CALN1: variants seen among roughly 807,000 people sequenced by gnomAD.
The protein encoded by CALN1 is calneuron 1.
A neutral mutation model predicts 30.6 loss-of-function variants in CALN1; 17 were observed. The ratio of observed to expected loss-of-function variants is 0.56; its 90% CI spans 0.38 to 0.83. The LOEUF is 0.83. Among genes scored for constraint, CALN1 ranks in the 40% least tolerant of loss-of-function variants. The pLI is 0.00. For synonymous variants in CALN1, 156 were observed against 131.4 expected (o/e 1.19, Z -1.28); for missense variants, 291 against 354.9 (o/e 0.82, Z 1.45).
intron 5 of CALN1, among the ~76,000 whole-genome samples, chr7:71,813,341 T>C (rs35079241): frequency 0.16 from 24,684 of 152,096 alleles, 2,950 homozygotes; most frequent in East Asian, 0.61. Flanking sequence ...CCAAGAGCAA[T>C]TGTTTCTCAT....
intron 3 of CALN1, among the ~76,000 whole-genome samples, chr7:72,232,208 G>A (rs889576821): frequency 6.6e-6 from 1 of 152,154 alleles, no homozygotes; most frequent in Admixed American, 6.5e-5. Context: ...AAGGGGTTTA[G>A]ATTTGGGCCA....
intron 5 of CALN1, among the ~76,000 whole-genome samples, chr7:71,983,077 T>C (rs1798483000): frequency 6.6e-6 from 1 of 152,178 alleles, no homozygotes; most frequent in African/African-American, 2.4e-5. Context: ...CTGTGGGCCC[T>C]ATGTAAATCA....
intron 3 of CALN1, among the ~76,000 whole-genome samples, chr7:72,217,424 A>G (rs977604589): frequency 1.1e-4 from 16 of 152,192 alleles, no homozygotes; most frequent in African/African-American, 3.6e-4. Flanking sequence ...GCCCTGGTCC[A>G]TGCCAATAAA....
At chr7:71,826,645 G>T (rs1490433896) in intron 5 of CALN1, among the ~76,000 whole-genome samples, 1 of 152,142 alleles carries the variant, frequency 6.6e-6, no homozygotes, top group Non-Finnish European at 1.5e-5. Flanking sequence ...ACCTTGACGT[G>T]GCCTTGCTGC....
intron 2 of CALN1, among the ~76,000 whole-genome samples, chr7:72,303,579 A>AT (rs796872431): frequency 1.3e-4 from 20 of 152,224 alleles, no homozygotes; most frequent in African/African-American, 4.8e-4. Flanking sequence ...AAAGAAAAAA[A>AT]AAAAAGAAAC....
chr7:72,363,179 C>T (rs1249241449), intron 2 of CALN1, among the ~76,000 whole-genome samples: 1 of 152,350 alleles, frequency 6.6e-6, no homozygotes, highest in South Asian at 2.1e-4. Context: ...TCCTCCCACC[C>T]TCCACCCTCT....
chr7:72,319,150 G>A (rs1475095877), intron 2 of CALN1, among the ~76,000 whole-genome samples: 1 of 152,126 alleles, frequency 6.6e-6, no homozygotes, highest in Non-Finnish European at 1.5e-5. Flanking sequence ...CATCAATCGA[G>A]GACTGGATAA....
chr7:71,888,815 AG>A (rs1372659918), intron 5 of CALN1, among the ~76,000 whole-genome samples: 3 of 152,144 alleles, frequency 2.0e-5, no homozygotes, highest in Admixed American at 1.3e-4. Context: ...GGAGGAGGGC[AG>A]GGGACCCAGA....
intron 4 of CALN1, among the ~76,000 whole-genome samples, chr7:72,080,818 CA>C (rs1255939129): frequency 6.6e-6 from 1 of 152,052 alleles, no homozygotes; most frequent in Admixed American, 6.6e-5. Context: ...TTTACTAGCC[CA>C]GGGGAAGCTG....
intron 3 of CALN1, among the ~76,000 whole-genome samples, chr7:72,135,057 T>C (rs1809410502): frequency 6.6e-6 from 1 of 152,234 alleles, no homozygotes; most frequent in Non-Finnish European, 1.5e-5. Context: ...AGTTTGATCA[T>C]GAGATTGCAG....
chr7:72,039,165 G>A (rs1341047380), intron 4 of CALN1, among the ~76,000 whole-genome samples: 1 of 152,176 alleles, frequency 6.6e-6, no homozygotes, highest in Admixed American at 6.5e-5. Context: ...TGTTCAAAAA[G>A]TAAATAAAAT....
At chr7:71,925,876 C>T (rs182220987) in intron 5 of CALN1, among the ~76,000 whole-genome samples, 8 of 147,452 alleles carry the variant, frequency 5.4e-5, no homozygotes, top group Non-Finnish European at 7.7e-5. Flanking sequence ...TTGTTTGAAA[C>T]GGAGTCTCTC....
At chr7:71,803,790 T>C (rs1787444553) in intron 6 of CALN1, among the ~76,000 whole-genome samples, 1 of 152,108 alleles carries the variant, frequency 6.6e-6, no homozygotes, top group Non-Finnish European at 1.5e-5. Flanking sequence ...CAGCCAGGCT[T>C]GCCCACTATC....
chr7:72,133,399 T>C (rs956053241), intron 3 of CALN1, among the ~76,000 whole-genome samples: 2 of 152,202 alleles, frequency 1.3e-5, no homozygotes, highest in African/African-American at 4.8e-5. Context: ...AAAGAGTCCA[T>C]ACTGATATGA....
At chr7:71,940,466 A>G (rs1204915457) in intron 5 of CALN1, among the ~76,000 whole-genome samples, 1 of 152,224 alleles carries the variant, frequency 6.6e-6, no homozygotes, top group African/African-American at 2.4e-5. Context: ...TGTGGAAAAT[A>G]TCAGGCTTAT....
chr7:72,308,372 G>GGA lies in CALN1; in HGVS notation c.120-29564_120-29563dup, dbSNP rs150660773. On this transcript the variant is annotated intron_variant, in intron 2 of 6. Transcript: ENST00000395275. The stretch of plus-strand genomic sequence containing the variant: ...GAGTGAGATGCTGTCTGTGGGGGGG[G>GGA]GAGAGAGAGAGAGAGAGAGAGAGAG... Among the ~76,000 whole-genome samples, 228 of 92,458 alleles carry GGA rather than the reference G, an allele frequency of 2.5e-3. 3 individuals are homozygous for GGA. The highest frequency in any genetic ancestry group is 6.2e-3 in the Middle Eastern group (1 of 162). 60.7% of individuals were successfully genotyped at this position (92,458 alleles called of 152,430 possible).
chr7:71,792,203 C>T (rs1369333575), intron 6 of CALN1, among the ~76,000 whole-genome samples: 1 of 152,068 alleles, frequency 6.6e-6, no homozygotes, highest in Non-Finnish European at 1.5e-5. Flanking sequence ...TTACTCTTGC[C>T]TCTTGCTGTC....
intron 3 of CALN1, among the ~76,000 whole-genome samples, chr7:72,218,152 T>C (rs1465691486): frequency 1.3e-5 from 2 of 151,704 alleles, no homozygotes; most frequent in East Asian, 4.0e-4. Context: ...AAAATTTTTT[T>C]TAAATAACTG....
At chr7:72,019,159 G>A (rs534391177) in intron 5 of CALN1, among the ~76,000 whole-genome samples, 1 of 152,032 alleles carries the variant, frequency 6.6e-6, no homozygotes, top group Non-Finnish European at 1.5e-5. Context: ...CCTGGAAGAA[G>A]GATTTTATTA....
Sources: gnomAD v4.1 joint callset for allele counts (sites outside exome capture counted in the v4.1 genomes callset) on GRCh38, gnomAD v4.1.1 for gene constraint, MANE v1.5 for transcripts, NCBI Gene and HGNC (gene_info 2026-07-23, HGNC 2026-07-21) for gene names.